Variants in LRRTM1 observed in about 807,000 individuals in gnomAD.
LRRTM1 encodes the protein leucine rich repeat transmembrane neuronal 1.
A neutral mutation model predicts 37.3 loss-of-function variants in LRRTM1; 8 were observed. The ratio of observed to expected loss-of-function variants is 0.21; its 90% CI spans 0.13 to 0.39. The LOEUF is 0.39. Among genes scored for constraint, LRRTM1 ranks in the 10% least tolerant of loss-of-function variants. LRRTM1 has a pLI of 1.00. For synonymous variants in LRRTM1, 326 were observed against 316.8 expected, an observed-to-expected ratio of 1.03 and a Z score of -0.31; for missense variants, 557 against 691.0, an observed-to-expected ratio of 0.81 and a Z score of 2.17.
In LRRTM1 at chr2:80,302,707, G is replaced by A; in HGVS notation, c.1113C>T (p.Ser371=). Residue 371 remains serine, a synonymous_variant, in exon 2 of 2, where the codon AGC becomes AGT. Transcript: ENST00000295057. This position sits in a 1 kb window ranked among gnomAD's most constrained non-coding sequence, Gnocchi z 6.4. ...HLCEDGAEPT[S]GHLLSAVTNR... ...TGGTGACGGCCGAGAGCAGGTGGCC[G>A]CTGGTGGGCTCGGCCCCATCCTCGC... is the stretch of plus-strand genomic sequence containing the variant. 2 of 1,612,688 alleles carry A rather than the reference G, an allele frequency of 1.2e-6. No individual in the cohort carries two copies.
downstream of LRRTM1, among the ~76,000 whole-genome samples, chr2:80,297,665 A>C (rs1675865647): frequency 6.6e-6 from 1 of 152,126 alleles, no homozygotes; most frequent in Non-Finnish European, 1.5e-5. Flanking sequence ...GCATACTTTA[A>C]TGGAAAAATA....
In LRRTM1 at chr2:80,302,026, T is replaced by A. The variant is rs962660409; in HGVS notation, c.*225A>T. On this transcript the variant is annotated 3_prime_UTR_variant, in exon 2 of 2. Coordinates refer to ENST00000295057, the MANE Select transcript of LRRTM1 (RefSeq NM_178839.5). This position sits in a 1 kb window ranked among gnomAD's most constrained non-coding sequence, Gnocchi z 6.4. ...TTCTCATATGAAATTTAAGATAGAC[T>A]GTCCTGAAGGTTGTGGGGTGGGGTT... 3 of 494,624 alleles carry A rather than the reference T, an allele frequency of 6.1e-6. No homozygotes were observed. Among genetic ancestry groups the A allele is most frequent in the African/African-American group, 5.8e-5 (3 of 51,720 alleles). The allele number at this position is 494,624 out of a possible 1,614,324, so 30.6% of individuals were successfully genotyped here.
At position 80,302,571 on chromosome 2, in the gene LRRTM1, C is replaced by T. The variant is rs144531548; in HGVS notation, c.1249G>A (p.Glu417Lys). The change falls in exon 2 of 2, where the codon GAG (glutamate) becomes AAG (lysine). Residue 417 changes from glutamate to lysine, a missense_variant. Physicochemically the swap from Glu to Lys is moderately conservative, Grantham distance 56. Coordinates refer to ENST00000295057, the MANE Select transcript of LRRTM1 (RefSeq NM_178839.5). This position sits in a 1 kb window ranked among gnomAD's most constrained non-coding sequence, Gnocchi z 6.4. ...EPATVALPGG[E>K]HAENAVQIHK... ...ATCTGCACGGCGTTCTCGGCGTGCTCGCCGCCTGGAAGAGCCACGGTGGCA... is the reference window on the plus strand; with the variant it reads ...ATCTGCACGGCGTTCTCGGCGTGCTTGCCGCCTGGAAGAGCCACGGTGGCA... 6.2e-6 allele frequency: 10 copies of T among 1,607,646 alleles called. No individual in the cohort carries two copies. The highest frequency in any genetic ancestry group is 1.1e-5 in the South Asian group (1 of 91,068).
At chr2:80,299,427 T>A (rs1180882186), downstream of LRRTM1, 1 of 151,374 alleles carries the variant, frequency 6.6e-6, no homozygotes, top group East Asian at 2.0e-4. Context: ...GTGAGCTAAA[T>A]TCCCGTTTGT....
rs1368387124 is a variant in LRRTM1, at chr2:80,303,593, C to T, written c.227G>A (p.Ser76Asn). The T allele has an allele frequency of 1.2e-6, 2 of 1,614,074 alleles. No individual in the cohort carries two copies. Among genetic ancestry groups the T allele is most frequent in the East Asian group, 2.2e-5 (1 of 44,878 alleles). The part of the protein sequence containing the change: ...GLLGLSLRYN[S>N]LSELRAGQFT... ...CTGGCCGGCGCGCAGCTCCGAGAGG[C>T]TGTTGTAGCGCAGGGACAAGCCCAG... The change falls in exon 2 of 2, where the codon AGC (serine) becomes AAC (asparagine). Residue 76 changes from serine to asparagine, a missense_variant. By Grantham distance (46) the Ser-to-Asn change is conservative. This residue lies in a region of LRRTM1 where 140 missense variants were observed against 138.1 expected (regional missense o/e 1.01). Coordinates refer to ENST00000295057, the MANE Select transcript of LRRTM1 (RefSeq NM_178839.5). This position sits in a 1 kb window ranked among gnomAD's most constrained non-coding sequence, Gnocchi z 7.7.
chr2:80,302,986 G>A lies in LRRTM1; in HGVS notation c.834C>T (p.Thr278=), dbSNP rs1445484169. The A allele has an allele frequency of 1.9e-6, 3 of 1,613,638 alleles. No individual in the cohort carries two copies. Among genetic ancestry groups the A allele is most frequent in the Non-Finnish European group, 2.5e-6 (3 of 1,179,980 alleles). Residue 278 remains threonine (T), a synonymous_variant, in exon 2 of 2, where the codon ACC becomes ACT. Coordinates refer to ENST00000295057, the MANE Select transcript of LRRTM1 (RefSeq NM_178839.5). The surrounding 1 kb of genome is among the most constrained non-coding windows in gnomAD (Gnocchi z 6.4). ...IEYMEPHVFE[T]VPHLQSLQLD... ...GCTGCAGGGACTGCAGGTGCGGCAC[G>A]GTCTCGAACACATGGGGCTCCATGT...
At chr2:80,298,145 C>T (rs574538080), downstream of LRRTM1, 16 of 151,996 alleles carry the variant, frequency 1.1e-4, 1 homozygote, top group Admixed American at 1.0e-3. Context: ...TTCAGAAGCA[C>T]ATTTAATGGT....
intron 2 of LRRTM1, among the ~76,000 whole-genome samples, chr2:80,289,489 T>C (rs1675051831): frequency 6.6e-6 from 1 of 152,226 alleles, no homozygotes; most frequent in Admixed American, 6.5e-5. Flanking sequence ...AGCTTCTGCT[T>C]CTAGGAGCCA....
At position 80,304,519 on chromosome 2, in the gene LRRTM1, A is replaced by C. The variant is rs1676713306; in HGVS notation, c.-427T>G. 6.5e-6 allele frequency: 1 copy of C among 153,164 alleles called. No individual in the cohort carries two copies. Among genetic ancestry groups the C allele is most frequent in the African/African-American group, 2.4e-5 (1 of 41,358 alleles). The allele number at this position is 153,164 out of a possible 1,614,324, so 9.5% of individuals were successfully genotyped here. ...GTCTGGTTAATGTCCGTCATTGGAA[A>C]CGACCACTGACCGGCGCCACCTTTT... On this transcript the variant is annotated 5_prime_UTR_variant, in exon 1 of 2. Transcript: ENST00000295057.
rs752248831 is a variant in LRRTM1 at position 80,302,662 on chromosome 2, G to C, written c.1158C>G (p.Pro386=). 1 of 1,610,418 alleles carries C rather than the reference G, an allele frequency of 6.2e-7. No individual in the cohort carries two copies. Among genetic ancestry groups the C allele is most frequent in the South Asian group, 1.1e-5 (1 of 90,990 alleles). ...CGAGCGTGGTGGCCGAGCTGGCAGG[G>C]GGCCCCAGATCACTGCGGTTGGTGA... The part of the protein sequence containing the change: ...SAVTNRSDLG[P]PASSATTLAD... Residue 386 remains proline (P), a synonymous_variant, in exon 2 of 2, where the codon CCC becomes CCG. Coordinates refer to ENST00000295057, the MANE Select transcript of LRRTM1 (RefSeq NM_178839.5). The surrounding 1 kb of genome is among the most constrained non-coding windows in gnomAD (Gnocchi z 6.4).
chr2:80,302,660 G>A lies in LRRTM1; in HGVS notation c.1160C>T (p.Pro387Leu). Reference sequence around the variant, plus strand: ...CGCGAGCGTGGTGGCCGAGCTGGCAGGGGGCCCCAGATCACTGCGGTTGGT... The same window carrying A: ...CGCGAGCGTGGTGGCCGAGCTGGCAAGGGGCCCCAGATCACTGCGGTTGGT... ...AVTNRSDLGP[P>L]ASSATTLADG... The change falls in exon 2 of 2, where the codon CCT becomes CTT. Residue 387 changes from proline to leucine, a missense_variant. Physicochemically the swap from Pro to Leu is moderately conservative, Grantham distance 98 (BLOSUM62 -3). Transcript: ENST00000295057. This position sits in a 1 kb window ranked among gnomAD's most constrained non-coding sequence, Gnocchi z 6.4. 2.5e-6 allele frequency: 4 copies of A among 1,610,008 alleles called. No individual in the cohort carries two copies. The highest frequency in any genetic ancestry group is 3.4e-6 in the Non-Finnish European group (4 of 1,179,044).
downstream of LRRTM1, chr2:80,299,597 A>C (rs1676062894): frequency 6.6e-6 from 1 of 152,222 alleles, no homozygotes; most frequent in Admixed American, 6.5e-5. Flanking sequence ...GTATGGACTT[A>C]AGATCTTCTA....
In LRRTM1 at chr2:80,302,393, G is replaced by T. The variant is rs761972903; in HGVS notation, c.1427C>A (p.Thr476Asn). ...TQRRKQKQKQ[T>N]MHQMAAMSAQ... ...AGACATGGCAGCCATCTGATGCATG[G>T]TCTGTTTCTGCTTTTGCTTCCTGCG... The change falls in exon 2 of 2, where the codon ACC (threonine) becomes AAC (asparagine). Residue 476 changes from threonine to asparagine, a missense_variant. Thr to Asn is a moderately conservative substitution (Grantham distance 65). This residue lies in a region of LRRTM1 where 90 missense variants were observed against 149.4 expected (regional missense o/e 0.60). Coordinates refer to ENST00000295057, the MANE Select transcript of LRRTM1 (RefSeq NM_178839.5). This position sits in a 1 kb window ranked among gnomAD's most constrained non-coding sequence, Gnocchi z 6.4. 4.3e-6 allele frequency: 7 copies of T among 1,614,254 alleles called. No individual in the cohort carries two copies. The highest frequency in any genetic ancestry group is 5.9e-6 in the Non-Finnish European group (7 of 1,180,050).
In LRRTM1 at chr2:80,303,951, A is replaced by C. The variant is rs1676644201; in HGVS notation, c.-59-73T>G. 5.4e-6 allele frequency: 6 copies of C among 1,106,266 alleles called. No homozygotes were observed. Among genetic ancestry groups the C allele is most frequent in the Non-Finnish European group, 7.4e-6 (6 of 815,572 alleles). 68.5% of individuals were successfully genotyped at this position (1,106,266 alleles called of 1,614,324 possible). A position where few individuals can be genotyped will look rare whatever the true frequency, so the allele number is the denominator to read the frequency against. ...AAAGGGCAAAAAATCAAATAAATAC[A>C]TAGAAATAAAGAAGGACCCCCCTCC... On this transcript the variant is annotated intron_variant, in intron 1 of 1. Transcript: ENST00000295057. The surrounding 1 kb of genome is among the most constrained non-coding windows in gnomAD (Gnocchi z 7.7).
rs746303192 is a variant in LRRTM1 at position 80,302,755 on chromosome 2, G to C, written c.1065C>G (p.Asp355Glu). The change falls in exon 2 of 2, where the codon GAC becomes GAG. Residue 355 changes from aspartate (D) to glutamate (E), a missense_variant. Physicochemically the swap from Asp to Glu is conservative, Grantham distance 45 (BLOSUM62 2). Coordinates refer to ENST00000295057, the MANE Select transcript of LRRTM1 (RefSeq NM_178839.5). The surrounding 1 kb of genome is among the most constrained non-coding windows in gnomAD (Gnocchi z 6.4). ...PEYAQGEDVL[D>E]AVYAFHLCED... Reference sequence around the variant, plus strand: ...CGCACAGGTGGAAGGCGTACACGGCGTCCAGGACGTCCTCGCCCTGTGCGT... The same window carrying C: ...CGCACAGGTGGAAGGCGTACACGGCCTCCAGGACGTCCTCGCCCTGTGCGT... 1.2e-6 allele frequency: 2 copies of C among 1,612,986 alleles called. No homozygotes were observed. The highest frequency in any genetic ancestry group is 1.7e-6 in the Non-Finnish European group (2 of 1,179,864).
chr2:80,295,921 C>T (rs950447301), intron 2 of LRRTM1, among the ~76,000 whole-genome samples: 2 of 152,094 alleles, frequency 1.3e-5, no homozygotes, highest in African/African-American at 4.8e-5. Context: ...CCTGTCTGTC[C>T]CCAGATGAAT....
chr2:80,295,966 T>G (rs1675702544), intron 2 of LRRTM1, among the ~76,000 whole-genome samples: 1 of 152,234 alleles, frequency 6.6e-6, no homozygotes, highest in Non-Finnish European at 1.5e-5. Flanking sequence ...TAGACTATCC[T>G]GTTTCTAAGG....
chr2:80,296,402 T>C (rs1406095994), intron 2 of LRRTM1, among the ~76,000 whole-genome samples: 1 of 152,104 alleles, frequency 6.6e-6, no homozygotes, highest in Non-Finnish European at 1.5e-5. Context: ...CTAAATGAGG[T>C]ATTGCTAAAG....
intron 2 of LRRTM1, among the ~76,000 whole-genome samples, chr2:80,291,972 T>C (rs550636724): frequency 6.6e-5 from 10 of 152,334 alleles, no homozygotes; most frequent in Non-Finnish European, 1.5e-4. Context: ...AAGCCATGTG[T>C]AGTCTTTGCA....
Sources: gnomAD v4.1 joint callset for allele counts (sites outside exome capture counted in the v4.1 genomes callset) on GRCh38, gnomAD v4.1.1 for gene constraint, gnomAD v4.1.1 regional missense constraint, Gnocchi (gnomAD v3.1) non-coding constraint, MANE v1.5 for transcripts, NCBI Gene and HGNC (gene_info 2026-07-23, HGNC 2026-07-21) for gene names.